Variants in CPS1 observed in about 807,000 individuals in gnomAD.
CPS1 encodes carbamoyl-phosphate synthase 1.
CPS1 carries 109 observed loss-of-function variants against 174.6 expected under a neutral mutation model. That is an observed-to-expected ratio of 0.62 (90% CI 0.53 to 0.73). The LOEUF (loss-of-function observed/expected upper bound fraction) is 0.73, where lower values mean the gene tolerates loss of function less well. Ranked by LOEUF, CPS1 falls within the 30% of genes least tolerant of loss-of-function variation. CPS1 has a pLI of 0.00. For missense variants in CPS1, 1,689 were observed against 1,821.9 expected, an observed-to-expected ratio of 0.93 and a Z score of 1.33; for synonymous variants, 637 against 632.0, an observed-to-expected ratio of 1.01 and a Z score of -0.12.
At chr2:210,561,897 A>T (rs189908467) in intron 1 of CPS1, among the ~76,000 whole-genome samples, 1 of 152,162 alleles carries the variant, frequency 6.6e-6, no homozygotes, top group South Asian at 2.1e-4. Flanking sequence ...GTAACTGACT[A>T]ATTTGAAGTT....
rs535530698 is a variant in CPS1 at position 210,637,266 on chromosome 2, G to A, written c.2688-436G>A. 2.2e-4 allele frequency among the ~76,000 whole-genome samples: 33 copies of A among 152,264 alleles called. No individual in the cohort carries two copies. The South Asian group carries it at 3.7e-3, about 17-fold the overall frequency. The stretch of plus-strand genomic sequence containing the variant: ...GTAGTTTTGAGTAATAAAGTAGAGC[G>A]AGAAGCCACTTAGTAGAAGCCAGAA... On this transcript the variant is annotated intron_variant, in intron 21 of 37. Transcript: ENST00000233072.
intron 21 of CPS1, among the ~76,000 whole-genome samples, chr2:210,636,517 A>G (rs1002068961): frequency 6.6e-6 from 1 of 151,880 alleles, no homozygotes; most frequent in Non-Finnish European, 1.5e-5. Flanking sequence ...AATGTGGTAG[A>G]TTTGGGGAGT....
Position 210,591,983 on chromosome 2 carries a change from A to G in CPS1, c.1086+14A>G, listed in dbSNP as rs754177968. 8.7e-6 allele frequency: 14 copies of G among 1,609,240 alleles called. 1 individual carries two copies. The South Asian group carries it at 8.8e-5, about 10-fold the overall frequency. On this transcript the variant is annotated intron_variant, in intron 10 of 37. Transcript: ENST00000233072. The stretch of plus-strand genomic sequence containing the variant: ...CAAACAAATGAGGTAAATGATGTCA[A>G]TAAACCTGTTCAGTTGGTGATGAGA...
chr2:210,571,596 C>T (rs533470163), intron 1 of CPS1, among the ~76,000 whole-genome samples: 7 of 151,880 alleles, frequency 4.6e-5, no homozygotes, highest in African/African-American at 4.8e-5. Context: ...ATAAACAAGA[C>T]GTCGGAATAT....
At chr2:210,521,734 A>G (rs1322116893) in intron 1 of CPS1, among the ~76,000 whole-genome samples, 1 of 151,830 alleles carries the variant, frequency 6.6e-6, no homozygotes, top group Non-Finnish European at 1.5e-5. Context: ...AACTACTTTA[A>G]TTTCCTTGTC....
chr2:210,677,251 A>G, intron 37 of CPS1, 115 bp downstream of exon 37: 1 of 1,091,996 alleles, frequency 9.2e-7, no homozygotes, highest in Non-Finnish European at 1.4e-6. Context: ...CTTTCAGAAT[A>G]GAGAGGAATT....
At chr2:210,609,754 T>G (rs1699044911) in intron 19 of CPS1, among the ~76,000 whole-genome samples, 1 of 152,072 alleles carries the variant, frequency 6.6e-6, no homozygotes, top group East Asian at 2.0e-4. Context: ...TTCCATATTG[T>G]TCTTTATTTG....
intron 1 of CPS1, among the ~76,000 whole-genome samples, chr2:210,509,949 G>T (rs552362075): frequency 9.2e-5 from 14 of 152,218 alleles, no homozygotes; most frequent in Admixed American, 3.3e-4. Context: ...TGGCCATACT[G>T]CCCAAGGTAA....
At chr2:210,496,688 C>T (rs1356028042) in intron 1 of CPS1, among the ~76,000 whole-genome samples, 2 of 152,144 alleles carry the variant, frequency 1.3e-5, no homozygotes, top group Non-Finnish European at 2.9e-5. Context: ...TACTCTCTTG[C>T]TAGCTTCCTG....
At chr2:210,512,143 G>A (rs1047209989) in intron 1 of CPS1, among the ~76,000 whole-genome samples, 14 of 152,132 alleles carry the variant, frequency 9.2e-5, no homozygotes, top group East Asian at 1.9e-4. Flanking sequence ...TCTAAAGCCC[G>A]AAACATGGAT....
intron 21 of CPS1, among the ~76,000 whole-genome samples, chr2:210,627,418 C>G (rs888923922): frequency 2.0e-5 from 3 of 152,004 alleles, no homozygotes; most frequent in African/African-American, 7.3e-5. Flanking sequence ...AGTAAAACAA[C>G]TCTTGAGCGT....
At chr2:210,664,125 G>A (rs1283639229) in intron 33 of CPS1, among the ~76,000 whole-genome samples, 1 of 152,078 alleles carries the variant, frequency 6.6e-6, no homozygotes, top group African/African-American at 2.4e-5. Flanking sequence ...GGGACTCTTT[G>A]CCTCTTTGTT....
At chr2:210,516,715 G>T (rs986291955) in intron 1 of CPS1, among the ~76,000 whole-genome samples, 1 of 151,788 alleles carries the variant, frequency 6.6e-6, no homozygotes, top group African/African-American at 2.4e-5. Flanking sequence ...GCTCCACATG[G>T]GCTACTGGAT....
intron 4 of CPS1, 144 bp from the exon 5 acceptor site, chr2:210,579,570 A>G (rs1219695836): frequency 1.4e-6 from 1 of 704,892 alleles, no homozygotes; most frequent in Non-Finnish European, 2.6e-6. Context: ...CTGACAATAC[A>G]GTCACCCTGG....
intron 23 of CPS1, among the ~76,000 whole-genome samples, chr2:210,639,792 TA>T (rs1303046318): frequency 6.6e-6 from 1 of 152,192 alleles, no homozygotes; most frequent in East Asian, 1.9e-4. Flanking sequence ...CTATTTAATT[TA>T]AAAAATTCTG....
intron 1 of CPS1, chr2:210,519,649 C>G (rs1259734816): frequency 1.8e-6 from 1 of 555,048 alleles, no homozygotes; most frequent in African/African-American, 2.1e-5. Flanking sequence ...GAATTCCCAG[C>G]CTCGCTTGCA....
At position 210,677,920 on chromosome 2, in the gene CPS1, T is replaced by C; in HGVS notation, c.4438T>C (p.Ser1480Pro). The part of the protein sequence containing the change: ...TKLFAEAVQK[S>P]RKVDSKSLFH... ...ACTTTTTGCTGAAGCTGTGCAGAAA[T>C]CTCGCAAGGTGGACTCCAAGAGTCT... Residue 1480 changes from serine to proline, a missense_variant, in exon 38 of 38, where the codon TCT becomes CCT. Coordinates refer to ENST00000233072, the MANE Select transcript of CPS1 (RefSeq NM_001875.5). The C allele has an allele frequency of 6.2e-7, 1 of 1,614,080 alleles. No homozygotes were observed. Among genetic ancestry groups the C allele is most frequent in the Non-Finnish European group, 8.5e-7 (1 of 1,179,968 alleles).
chr2:210,593,950 A>G (rs1021068768), intron 11 of CPS1, among the ~76,000 whole-genome samples: 75 of 152,044 alleles, frequency 4.9e-4, no homozygotes, highest in African/African-American at 1.8e-3. Flanking sequence ...GAACATTGCA[A>G]TTAAGATGTA....
Position 210,637,723 on chromosome 2 carries a change from C to T in CPS1, c.2709C>T (p.Thr903=), listed in dbSNP as rs774243804. 1.2e-6 allele frequency: 2 copies of T among 1,613,862 alleles called. No individual in the cohort carries two copies. The highest frequency in any genetic ancestry group is 1.7e-6 in the Non-Finnish European group (2 of 1,179,898). ...CTAGTGAGTCCATGACAGAAGAAACCCTGAAAAGGGCAAAGGAGATTGGGT... is the reference window on the plus strand; with the variant it reads ...CTAGTGAGTCCATGACAGAAGAAACTCTGAAAAGGGCAAAGGAGATTGGGT... ...GLNSESMTEE[T]LKRAKEIGFS... The change falls in exon 22 of 38, where the codon ACC becomes ACT. Residue 903 remains threonine, a synonymous_variant. Coordinates refer to ENST00000233072, the MANE Select transcript of CPS1 (RefSeq NM_001875.5).
Sources: gnomAD v4.1 joint callset for allele counts (sites outside exome capture counted in the v4.1 genomes callset) on GRCh38, gnomAD v4.1.1 for gene constraint, MANE v1.5 for transcripts, NCBI Gene and HGNC (gene_info 2026-07-23, HGNC 2026-07-21) for gene names.